The following VPS16 variants were observed in gnomAD, a reference collection of about 807,000 sequenced individuals.
The protein encoded by VPS16 is VPS16 core subunit of CORVET and HOPS complexes.
VPS16 carries 82 observed loss-of-function variants against 116.0 expected under a neutral mutation model. The observed-to-expected ratio is 0.71, with a 90% confidence interval of 0.59 to 0.85. The LOEUF is 0.85. VPS16 is among the 40% of genes least tolerant of loss of function. VPS16 has a pLI of 0.00. For missense variants in VPS16, 928 were observed against 1,090.6 expected (o/e 0.85, Z 2.10); for synonymous variants, 406 against 420.7 (o/e 0.96, Z 0.43).
At chr20:2,849,630 C>G (rs2146649632) in intron 1 of VPS16, among the ~76,000 whole-genome samples, 1 of 151,914 alleles carries the variant, frequency 6.6e-6, no homozygotes, top group Middle Eastern at 3.4e-3. Flanking sequence ...GGGGTGGGTG[C>G]TGTTAGAGAA....
chr20:2,845,648 CTT>C lies in VPS16; in HGVS notation c.53+4822_53+4823del, dbSNP rs564546512. Among the ~76,000 whole-genome samples, 120 of 151,822 alleles carry C rather than the reference CTT, an allele frequency of 7.9e-4. 1 individual carries two copies. In the Middle Eastern group the frequency reaches 0.024, roughly 30 times the overall value. ...ATATACATGATATAAAATTTACTCT[CTT>C]AACCATTTTTGAGTGTACCCTTTAA... On this transcript the variant is annotated intron_variant, in intron 1 of 23. Transcript: ENST00000380445.
rs181066219 is a variant in VPS16, at chr20:2,847,083, G to A, written c.53+6256G>A. ...ATCCATACCCTGTGCTACCCTCCAG[G>A]CACAGTTTGAGTCACCTCACTGTCC... On this transcript the variant is annotated intron_variant, in intron 1 of 23. Coordinates refer to ENST00000380445, the MANE Select transcript of VPS16 (RefSeq NM_022575.4). Among the ~76,000 whole-genome samples the A allele has an allele frequency of 1.8e-4, 27 of 152,208 alleles. No homozygotes were observed. The East Asian group carries it at 5.0e-3, about 28-fold the overall frequency.
At chr20:2,859,896 T>C (rs545230364) in intron 2 of VPS16, 89 bp downstream of exon 2, 22 of 1,496,814 alleles carry the variant, frequency 1.5e-5, no homozygotes, top group Non-Finnish European at 1.9e-5. Flanking sequence ...CAGGTTGTTC[T>C]TGTTGCCACC....
At chr20:2,850,878 G>C (rs1191261900) in intron 1 of VPS16, among the ~76,000 whole-genome samples, 1 of 150,952 alleles carries the variant, frequency 6.6e-6, no homozygotes, top group African/African-American at 2.4e-5. Context: ...AGGCTGAGGT[G>C]GGAGAGTCAC....
At chr20:2,845,931 T>G (rs1358268309) in intron 1 of VPS16, among the ~76,000 whole-genome samples, 4 of 152,180 alleles carry the variant, frequency 2.6e-5, no homozygotes, top group Admixed American at 6.5e-5. Flanking sequence ...TGTTATAGCA[T>G]GTGTCAGAAT....
chr20:2,865,103 T>G lies in VPS16; in HGVS notation c.2005-45T>G. 6.2e-7 allele frequency: 1 copy of G among 1,614,158 alleles called. No homozygotes were observed. The highest frequency in any genetic ancestry group is 2.2e-5 in the East Asian group (1 of 44,890). On this transcript the variant is annotated intron_variant, in intron 20 of 23. Transcript: ENST00000380445. The surrounding 1 kb of genome is among the most constrained non-coding windows in gnomAD (Gnocchi z 5.2). ...AGCCTCCTCGTCTCCTGGTCTTCCC[T>G]CCTGGTCCCTCATCCCCATCATGCC... is the stretch of plus-strand genomic sequence containing the variant.
At chr20:2,858,507 A>G (rs1032391541) in intron 1 of VPS16, among the ~76,000 whole-genome samples, 4 of 152,030 alleles carry the variant, frequency 2.6e-5, no homozygotes, top group Non-Finnish European at 5.9e-5. Flanking sequence ...TTCTTAAATT[A>G]TGTTGGCTAG....
At position 2,862,918 on chromosome 20, in the gene VPS16, C is replaced by G. The variant is rs755515968; in HGVS notation, c.1315C>G (p.Pro439Ala). 3 of 1,614,100 alleles carry G rather than the reference C, an allele frequency of 1.9e-6. No individual in the cohort carries two copies. In the Admixed American group the frequency reaches 5.0e-5, roughly 27 times the overall value. ...TGTTCGGGACTATCACATCGGGATC[C>G]CGCTCACCTATAGCCAGTATCCCTG... is the stretch of plus-strand genomic sequence containing the variant. ...NAVRDYHIGI[P>A]LTYSQYKQLT... Residue 439 changes from proline (P) to alanine (A), a missense_variant, in exon 13 of 24, where the codon CCG becomes GCG. By Grantham distance (27) the Pro-to-Ala change is conservative. Transcript: ENST00000380445.
In VPS16 at chr20:2,866,681, C is replaced by T. The variant is rs572743205; in HGVS notation, c.*107C>T. 21 of 1,504,016 alleles carry T rather than the reference C, an allele frequency of 1.4e-5. 1 individual carries two copies. Among genetic ancestry groups the T allele is most frequent in the Admixed American group, 1.2e-4 (6 of 50,030 alleles). 93.2% of individuals were successfully genotyped at this position (1,504,016 alleles called of 1,614,324 possible). ...CCTCCCCTAGAGCAATGCTGAGGAG[C>T]GGGGGCATGGTAGCAGGGCTGTCTG... On this transcript the variant is annotated 3_prime_UTR_variant, in exon 24 of 24. Coordinates refer to ENST00000380445, the MANE Select transcript of VPS16 (RefSeq NM_022575.4).
At chr20:2,853,490 T>A (rs1433449620) in intron 1 of VPS16, among the ~76,000 whole-genome samples, 8 of 152,170 alleles carry the variant, frequency 5.3e-5, no homozygotes, top group African/African-American at 1.9e-4. Flanking sequence ...AGCAATTCAG[T>A]CACATCTTCA....
At position 2,860,289 on chromosome 20, in the gene VPS16, G is replaced by A; in HGVS notation, c.291G>A (p.Leu97=). Residue 97 remains leucine, a synonymous_variant, in exon 4 of 24, where the codon CTG becomes CTA. Transcript: ENST00000380445. The surrounding 1 kb of genome is among the most constrained non-coding windows in gnomAD (Gnocchi z 6.1). The stretch of plus-strand genomic sequence containing the variant: ...TGGGCTGGTCAGCTGAGGAGGAGCT[G>A]CTCTGTGTGCAGGAAGATGGTGCTG... ...VSLGWSAEEE[L]LCVQEDGAVL... 6.2e-7 allele frequency: 1 copy of A among 1,614,086 alleles called. No homozygotes were observed. The highest frequency in any genetic ancestry group is 1.3e-5 in the African/African-American group (1 of 75,000).
intron 1 of VPS16, 150 bp downstream of exon 1, chr20:2,840,977 C>A: frequency 1.4e-6 from 1 of 731,322 alleles, no homozygotes; most frequent in Non-Finnish European, 2.2e-6. Flanking sequence ...AGCGCACAGC[C>A]GCCTTTGGGC....
chr20:2,852,143 G>A (rs1251295127), intron 1 of VPS16, among the ~76,000 whole-genome samples: 1 of 152,084 alleles, frequency 6.6e-6, no homozygotes, highest in Non-Finnish European at 1.5e-5. Context: ...AAGGTGATCC[G>A]GAAAGTGCTG....
chr20:2,862,007 G>C, intron 10 of VPS16, 47 bp from the exon 11 acceptor site: 1 of 1,609,336 alleles, frequency 6.2e-7, no homozygotes, highest in Non-Finnish European at 8.5e-7. Context: ...AGGCAGGGCT[G>C]AGGGTTTCCC....
At chr20:2,844,452 C>T (rs1056700679) in intron 1 of VPS16, among the ~76,000 whole-genome samples, 26 of 152,118 alleles carry the variant, frequency 1.7e-4, no homozygotes, top group African/African-American at 6.3e-4. Flanking sequence ...TTTTTTTAAT[C>T]CTAAAAATGC....
intron 1 of VPS16, among the ~76,000 whole-genome samples, chr20:2,846,072 G>A (rs1338401127): frequency 6.7e-6 from 1 of 149,420 alleles, no homozygotes; most frequent in Non-Finnish European, 1.5e-5. Context: ...TGCTGTGAAT[G>A]TGGGTCTACA....
At chr20:2,857,019 C>T (rs1281908690) in intron 1 of VPS16, among the ~76,000 whole-genome samples, 2 of 150,510 alleles carry the variant, frequency 1.3e-5, no homozygotes, top group Non-Finnish European at 2.9e-5. Flanking sequence ...CCTCAGTCGC[C>T]CAAGCTGGAG....
Position 2,860,553 on chromosome 20 carries a change from T to A in VPS16, c.474T>A (p.Asn158Lys). Reference protein sequence around the residue: ...TGAHRFTLSANVGDLKLRRMP... With the variant: ...TGAHRFTLSAKVGDLKLRRMP... ...CCCACCGCTTCACCCTCAGTGCCAA[T>A]GTGGGTGACCTCAAACTCCGCCGGA... The change falls in exon 5 of 24, where the codon AAT (asparagine) becomes AAA (lysine). Residue 158 changes from asparagine to lysine, a missense_variant. Transcript: ENST00000380445. The surrounding 1 kb of genome is among the most constrained non-coding windows in gnomAD (Gnocchi z 6.1). 2 of 1,613,862 alleles carry A rather than the reference T, an allele frequency of 1.2e-6. No individual in the cohort carries two copies. Among genetic ancestry groups the A allele is most frequent in the Non-Finnish European group, 1.7e-6 (2 of 1,179,992 alleles).
At position 2,864,356 on chromosome 20, in the gene VPS16, C is replaced by T. The variant is rs202154577; in HGVS notation, c.1721-9C>T. 3 of 1,614,158 alleles carry T rather than the reference C, an allele frequency of 1.9e-6. No individual in the cohort carries two copies. In the South Asian group the frequency reaches 3.3e-5, roughly 18 times the overall value. On this transcript the variant is annotated splice_polypyrimidine_tract_variant and intron_variant, in intron 17 of 23. Coordinates refer to ENST00000380445, the MANE Select transcript of VPS16 (RefSeq NM_022575.4). The surrounding 1 kb of genome is among the most constrained non-coding windows in gnomAD (Gnocchi z 5.2). ...GCTGGAATTCCCACTCCACCTTACT[C>T]TCCTGCAGTGTTCACGGTGTTGCTG...
Sources: gnomAD v4.1 joint callset for allele counts (sites outside exome capture counted in the v4.1 genomes callset) on GRCh38, gnomAD v4.1.1 for gene constraint, Gnocchi (gnomAD v3.1) non-coding constraint, MANE v1.5 for transcripts, NCBI Gene and HGNC (gene_info 2026-07-23, HGNC 2026-07-21) for gene names.